The following GRID2 variants were observed in gnomAD, a reference collection of about 807,000 sequenced individuals.
The protein encoded by GRID2 is glutamate ionotropic receptor delta type subunit 2.
GRID2 carries 33 observed loss-of-function variants against 114.8 expected under a neutral mutation model. The observed-to-expected ratio is 0.29, with a 90% CI of 0.22 to 0.38. The LOEUF is 0.38. Among genes scored for constraint, GRID2 ranks in the 10% least tolerant of loss-of-function variants. The probability of loss-of-function intolerance (pLI) is 1.00; values close to 1 mark genes in which losing one functional copy is unlikely to be tolerated. For synonymous variants in GRID2, 505 were observed against 449.9 expected (o/e 1.12, Z -1.55); for missense variants, 1,184 against 1,257.7 (o/e 0.94, Z 0.89).
At chr4:93,520,500 A>C (rs916730902) in intron 13 of GRID2, among the ~76,000 whole-genome samples, 1 of 152,154 alleles carries the variant, frequency 6.6e-6, no homozygotes, top group African/African-American at 2.4e-5. Context: ...CTCCAGGCAG[A>C]GGGAATGCTC....
At chr4:93,806,746 C>T (rs575239192) in exon 2 of GRID2, 2 of 152,184 alleles carry the variant, frequency 1.3e-5, no homozygotes, top group African/African-American at 4.8e-5. Flanking sequence ...ACTACAATAT[C>T]TGAAAGAAGG....
chr4:92,305,051 G>A (rs1047568894), intron 1 of GRID2, among the ~76,000 whole-genome samples: 1 of 152,134 alleles, frequency 6.6e-6, no homozygotes, highest in Admixed American at 6.5e-5. Flanking sequence ...AGTGTGTGGG[G>A]AAAGGGAGTT....
At chr4:92,380,800 T>C (rs1729586019) in intron 1 of GRID2, among the ~76,000 whole-genome samples, 2 of 152,044 alleles carry the variant, frequency 1.3e-5, no homozygotes, top group Non-Finnish European at 2.9e-5. Context: ...TTGGTCTTAG[T>C]TGTAAATTTG....
chr4:92,587,045 T>C (rs1417706644), intron 1 of GRID2, among the ~76,000 whole-genome samples: 1 of 151,680 alleles, frequency 6.6e-6, no homozygotes, highest in African/African-American at 2.4e-5. Context: ...TGATTGGTTA[T>C]TCTTCCCTTC....
intron 14 of GRID2, among the ~76,000 whole-genome samples, chr4:93,698,635 A>C (rs559394098): frequency 6.6e-6 from 1 of 152,202 alleles, no homozygotes; most frequent in East Asian, 1.9e-4. Flanking sequence ...TGGCATTATA[A>C]AGTGTTGCAA....
At chr4:92,777,996 T>G (rs1578178808) in intron 2 of GRID2, among the ~76,000 whole-genome samples, 1 of 152,194 alleles carries the variant, frequency 6.6e-6, no homozygotes, top group East Asian at 1.9e-4. Context: ...ACTAATCAGT[T>G]TCCTTAATGG....
intron 8 of GRID2, among the ~76,000 whole-genome samples, chr4:93,382,154 C>T (rs1283264063): frequency 6.6e-6 from 1 of 151,998 alleles, no homozygotes; most frequent in African/African-American, 2.4e-5. Flanking sequence ...TGATTAATCA[C>T]TTCTCTTTTG....
At chr4:92,493,141 A>T (rs965172779) in intron 1 of GRID2, among the ~76,000 whole-genome samples, 2 of 151,804 alleles carry the variant, frequency 1.3e-5, no homozygotes, top group Non-Finnish European at 2.9e-5. Context: ...AAAAAAAAAA[A>T]AAAAAAGAAT....
intron 2 of GRID2, among the ~76,000 whole-genome samples, chr4:92,987,272 A>T (rs1354884027): frequency 2.0e-5 from 3 of 152,174 alleles, no homozygotes; most frequent in Non-Finnish European, 4.4e-5. Flanking sequence ...CTTCCTCACC[A>T]TTAAAGAAGG....
chr4:93,472,588 A>C (rs1248050069), intron 11 of GRID2, among the ~76,000 whole-genome samples: 1 of 152,218 alleles, frequency 6.6e-6, no homozygotes, highest in Non-Finnish European at 1.5e-5. Flanking sequence ...TATTCCAGAC[A>C]TTTCAAAGTT....
chr4:92,913,892 C>T (rs1044260529), intron 2 of GRID2, among the ~76,000 whole-genome samples: 2 of 152,074 alleles, frequency 1.3e-5, no homozygotes, highest in East Asian at 3.9e-4. Context: ...TTCAAACATT[C>T]ATTAGAAGTG....
chr4:93,061,364 G>T (rs1270289151), intron 2 of GRID2, among the ~76,000 whole-genome samples: 15 of 151,782 alleles, frequency 9.9e-5, no homozygotes. Flanking sequence ...CGGCTAGATA[G>T]AACATGCTTT....
At chr4:93,805,079 G>A (rs1578804276) in intron 1 of GRID2, among the ~76,000 whole-genome samples, 1 of 152,124 alleles carries the variant, frequency 6.6e-6, no homozygotes, top group Non-Finnish European at 1.5e-5. Flanking sequence ...ATTAGTAATA[G>A]CTTAATTTAT....
At chr4:92,607,308 T>C (rs896421354) in intron 2 of GRID2, among the ~76,000 whole-genome samples, 1 of 151,982 alleles carries the variant, frequency 6.6e-6, no homozygotes, top group Non-Finnish European at 1.5e-5. Context: ...TAAAATGTCT[T>C]CTTTTAAGCC....
chr4:92,813,658 G>GCA (rs145988327), intron 2 of GRID2, among the ~76,000 whole-genome samples: 28 of 150,398 alleles, frequency 1.9e-4, no homozygotes, highest in Non-Finnish European at 2.5e-4. Context: ...ACACACGCAC[G>GCA]CACACACACA....
chr4:93,013,832 T>G (rs2149235817), intron 2 of GRID2, among the ~76,000 whole-genome samples: 1 of 152,138 alleles, frequency 6.6e-6, no homozygotes, highest in East Asian at 1.9e-4. Context: ...TTCATTTATT[T>G]TAATAAACAT....
At chr4:92,881,893 T>C (rs983487167) in intron 2 of GRID2, among the ~76,000 whole-genome samples, 8 of 152,190 alleles carry the variant, frequency 5.3e-5, no homozygotes, top group Admixed American at 6.5e-5. Flanking sequence ...TTTAAACATA[T>C]TGTTTTAAAA....
chr4:93,368,811 A>G (rs529438223), intron 8 of GRID2, among the ~76,000 whole-genome samples: 5 of 152,228 alleles, frequency 3.3e-5, no homozygotes, highest in Admixed American at 6.5e-5. Flanking sequence ...AAAAGGAAGA[A>G]GATAACCTGG....
chr4:92,643,046 ATTC>A (rs1731437874), intron 2 of GRID2, among the ~76,000 whole-genome samples: 2 of 151,622 alleles, frequency 1.3e-5, no homozygotes, highest in East Asian at 3.9e-4. Context: ...ATCTAGCTTT[ATTC>A]TTCTTGCTTG....
Sources: allele counts gnomAD v4.1 joint callset (sites outside exome capture counted in the v4.1 genomes callset), GRCh38; gene constraint gnomAD v4.1.1; transcripts MANE v1.5; gene names NCBI Gene and HGNC (gene_info 2026-07-23, HGNC 2026-07-21).